The following RACGAP1 variants were observed in gnomAD, a reference collection of about 807,000 sequenced individuals.
RACGAP1 encodes Rac GTPase activating protein 1, also known as rac GTPase-activating protein 1.
In RACGAP1, 30 loss-of-function variants were observed where a neutral mutation model predicts 78.1. The ratio of observed to expected loss-of-function variants is 0.38; its 90% CI spans 0.29 to 0.52. The LOEUF (loss-of-function observed/expected upper bound fraction) is 0.52, where lower values mean the gene tolerates loss of function less well. Ranked by LOEUF, RACGAP1 falls within the 20% of genes least tolerant of loss-of-function variation. The pLI, the probability that RACGAP1 is intolerant of heterozygous loss-of-function variation, is 0.82. For missense variants in RACGAP1, 587 were observed against 777.1 expected, an observed-to-expected ratio of 0.76 and a Z score of 2.91; for synonymous variants, 231 against 264.8, an observed-to-expected ratio of 0.87 and a Z score of 1.24.
chr12:50,031,595 G>T lies in RACGAP1; in HGVS notation c.-24+102C>A, dbSNP rs144995342. The T allele has an allele frequency of 4.0e-6, 3 of 745,120 alleles. No homozygotes were observed. The South Asian group carries it at 1.8e-4, about 45-fold the overall frequency. 46.2% of individuals were successfully genotyped at this position (745,120 alleles called of 1,614,324 possible). A position where few individuals can be genotyped will look rare whatever the true frequency, so the allele number is the denominator to read the frequency against. ...CGTTTGCAGTTCCTCCACGCACCTGGCTACCATTTCCACCTGGGGCCTTCA... is the reference window on the plus strand; with the variant it reads ...CGTTTGCAGTTCCTCCACGCACCTGTCTACCATTTCCACCTGGGGCCTTCA... On this transcript the variant is annotated intron_variant, in intron 2 of 3. Transcript: ENST00000548247.
At chr12:50,008,534 C>A (rs1263032054) in intron 2 of RACGAP1, among the ~76,000 whole-genome samples, 1 of 151,730 alleles carries the variant, frequency 6.6e-6, no homozygotes, top group African/African-American at 2.4e-5. Context: ...CCTCTGTCAC[C>A]CAGACTGGAG....
At chr12:50,030,348 CAA>C (rs58620170), upstream of RACGAP1, among the ~76,000 whole-genome samples, 17,387 of 82,388 alleles carry the variant, frequency 0.21, 1,511 homozygotes, top group South Asian at 0.39. Flanking sequence ...GACCTTGTCT[CAA>C]AAAAAAAAAA....
rs546484831 is a variant in RACGAP1, at chr12:49,999,890, C to T, written c.631-157G>A. Among the ~76,000 whole-genome samples the T allele has an allele frequency of 7.9e-5, 12 of 152,234 alleles. No individual in the cohort carries two copies. The East Asian group carries it at 1.5e-3, about 20-fold the overall frequency. ...TTTGAGACAGAGTTTTTCACTCTAC[C>T]GCCCAGGCTGGAGAACAGTGGCGTG... is the stretch of plus-strand genomic sequence containing the variant. On this transcript the variant is annotated intron_variant, in intron 7 of 16. Transcript: ENST00000312377.
chr12:49,992,644 C>T lies in RACGAP1; in HGVS notation c.1351G>A (p.Glu451Lys). The change falls in exon 13 of 17, where the codon GAA becomes AAA. Residue 451 changes from glutamate to lysine, a missense_variant. Glu to Lys is a moderately conservative substitution (Grantham distance 56). Transcript: ENST00000312377. ...AFMEAAEITDEDNSIAAMYQA... is the reference protein window; with the variant it reads ...AFMEAAEITDKDNSIAAMYQA... The stretch of plus-strand genomic sequence containing the variant: ...TACATGGCAGCTATGCTGTTGTCTT[C>T]ATCTGTGATTTCTGTAATTGAAAAG... The T allele has an allele frequency of 6.2e-7, 1 of 1,610,816 alleles. No homozygotes were observed.
In RACGAP1 at chr12:50,001,180, C is replaced by G; in HGVS notation, c.622G>C (p.Val208Leu). The change falls in exon 7 of 17, where the codon GTA (valine) becomes CTA (leucine). Residue 208 changes from valine to leucine, a missense_variant. By Grantham distance (32) the Val-to-Leu change is conservative. Transcript: ENST00000312377. ...VKKTRSIGSA[V>L]DQGNESIVAK... ...GGCCTGACTATTCTTACCTGGTCTA[C>G]TGCAGAGCCAATGGAACGAGTTTTC... The G allele has an allele frequency of 6.2e-7, 1 of 1,602,022 alleles. No individual in the cohort carries two copies. The highest frequency in any genetic ancestry group is 8.6e-7 in the Non-Finnish European group (1 of 1,169,076).
At chr12:50,006,771 A>T in intron 2 of RACGAP1, 135 bp from the exon 3 acceptor site, 1 of 872,874 alleles carries the variant, frequency 1.1e-6, no homozygotes, top group Non-Finnish European at 1.8e-6. Context: ...ATCCAGCTGA[A>T]AATAACTAGG....
At position 49,991,921 on chromosome 12, in the gene RACGAP1, G is replaced by C. The variant is rs540423188; in HGVS notation, c.1714+77C>G. ...ATGTTAGAATTTTCAAACAGCTCTA[G>C]CAAAGGCAGGAAGAGGTCATATGAC... On this transcript the variant is annotated intron_variant, in intron 15 of 16. Coordinates refer to ENST00000312377, the MANE Select transcript of RACGAP1 (RefSeq NM_001319999.2). The C allele has an allele frequency of 2.4e-5, 37 of 1,569,702 alleles. No homozygotes were observed. In the Admixed American group the frequency reaches 2.8e-4, roughly 12 times the overall value.
chr12:50,008,309 C>T (rs990969402), intron 2 of RACGAP1, among the ~76,000 whole-genome samples: 6 of 151,700 alleles, frequency 4.0e-5, no homozygotes, highest in Admixed American at 2.0e-4. Flanking sequence ...AGCAATTCTC[C>T]TGCCTCAGCC....
At chr12:50,021,959 G>A (rs771932073) in intron 1 of RACGAP1, among the ~76,000 whole-genome samples, 16 of 152,210 alleles carry the variant, frequency 1.1e-4, no homozygotes, top group Admixed American at 2.0e-4. Flanking sequence ...GGATTATCTT[G>A]AAACCAAATG....
At chr12:50,000,920 C>T (rs536125190) in intron 7 of RACGAP1, among the ~76,000 whole-genome samples, 57 of 152,240 alleles carry the variant, frequency 3.7e-4, no homozygotes, top group Admixed American at 2.3e-3. Context: ...TGGTGGCATG[C>T]GCCTGTAATC....
intron 2 of RACGAP1, among the ~76,000 whole-genome samples, chr12:50,012,478 T>C (rs1432477546): frequency 1.3e-5 from 2 of 151,860 alleles, no homozygotes; most frequent in Non-Finnish European, 2.9e-5. Context: ...GGAGAATCAC[T>C]TGAACCTGGG....
At chr12:50,019,130 C>A (rs1369277967) in intron 1 of RACGAP1, among the ~76,000 whole-genome samples, 1 of 152,168 alleles carries the variant, frequency 6.6e-6, no homozygotes, top group Non-Finnish European at 1.5e-5. Flanking sequence ...CCCCTTCCCA[C>A]AGCATAATCA....
At chr12:49,996,443 A>G (rs1728406334) in intron 10 of RACGAP1, among the ~76,000 whole-genome samples, 2 of 151,814 alleles carry the variant, frequency 1.3e-5, no homozygotes, top group Admixed American at 1.3e-4. Flanking sequence ...ACCCTGGCCA[A>G]CATGATGAAA....
chr12:50,006,352 T>C, intron 3 of RACGAP1, 82 bp downstream of exon 3: 6 of 1,444,606 alleles, frequency 4.2e-6, no homozygotes, highest in Non-Finnish European at 5.8e-6. Context: ...AGAAACTAGG[T>C]ATATTTGGCA....
intron 2 of RACGAP1, among the ~76,000 whole-genome samples, chr12:50,014,277 G>A (rs1949523244): frequency 6.6e-6 from 1 of 152,152 alleles, no homozygotes; most frequent in Non-Finnish European, 1.5e-5. Flanking sequence ...AGAGAAGCTG[G>A]TATAGAATAA....
rs142147887 is a variant in RACGAP1, at chr12:49,992,224, C to A, written c.1578+21G>T. On this transcript the variant is annotated intron_variant, in intron 14 of 16. Coordinates refer to ENST00000312377, the MANE Select transcript of RACGAP1 (RefSeq NM_001319999.2). ...ATCACATTACACAAGTTCACATACA[C>A]ACACACACGCACCTGCCTACCTTGG... The A allele has an allele frequency of 2.7e-4, 437 of 1,613,838 alleles. 3 individuals are homozygous for A. In the East Asian group the frequency reaches 8.5e-3, roughly 32 times the overall value.
intron 2 of RACGAP1, among the ~76,000 whole-genome samples, chr12:50,012,453 C>T (rs921960766): frequency 2.0e-5 from 3 of 151,432 alleles, no homozygotes; most frequent in African/African-American, 7.3e-5. Flanking sequence ...CCCAGCTACT[C>T]GGGAGGCTGA....
intron 15 of RACGAP1, among the ~76,000 whole-genome samples, 165 bp from the exon 16 acceptor site, chr12:49,990,957 T>TA (rs892425544): frequency 6.6e-6 from 1 of 152,236 alleles, no homozygotes; most frequent in African/African-American, 2.4e-5. Flanking sequence ...CACACTAGTG[T>TA]ATCTTTTGAA....
intron 2 of RACGAP1, chr12:50,031,606 C>A (rs1406874547): frequency 1.2e-6 from 1 of 847,836 alleles, no homozygotes; most frequent in African/African-American, 1.8e-5. Context: ...CTACCATTTC[C>A]ACCTGGGGCC....
Sources: allele counts gnomAD v4.1 joint callset (sites outside exome capture counted in the v4.1 genomes callset), GRCh38; gene constraint gnomAD v4.1.1; transcripts MANE v1.5; gene names NCBI Gene and HGNC (gene_info 2026-07-23, HGNC 2026-07-21).